PPP1R13B: variants seen among roughly 807,000 people sequenced by gnomAD.
PPP1R13B encodes apoptosis-stimulating of p53 protein 1.
PPP1R13B carries 44 observed loss-of-function variants against 119.8 expected under a neutral mutation model. That is an observed-to-expected ratio of 0.37 (90% CI 0.29 to 0.47). The LOEUF (loss-of-function observed/expected upper bound fraction) is 0.47. PPP1R13B is among the 20% of genes least tolerant of loss of function. The probability of loss-of-function intolerance (pLI) is 0.99; values close to 1 mark genes in which losing one functional copy is unlikely to be tolerated. For synonymous variants in PPP1R13B, 542 were observed against 561.5 expected, an observed-to-expected ratio of 0.97 and a Z score of 0.49; for missense variants, 1,227 against 1,413.5, an observed-to-expected ratio of 0.87 and a Z score of 2.12.
intron 2 of PPP1R13B, among the ~76,000 whole-genome samples, chr14:103,788,184 T>C (rs1200287221): frequency 6.6e-6 from 1 of 152,128 alleles, no homozygotes; most frequent in Non-Finnish European, 1.5e-5. Context: ...GTTAACAGAT[T>C]TCAGCCAATT....
chr14:103,794,545 C>A, intron 2 of PPP1R13B: 1 of 363,106 alleles, frequency 2.8e-6, no homozygotes, highest in Non-Finnish European at 5.4e-6. Flanking sequence ...CCAGGCTGGT[C>A]TCAAACTCCT....
Position 103,742,908 on chromosome 14 carries a change from C to A in PPP1R13B, c.1151-85G>T. On this transcript the variant is annotated intron_variant, in intron 9 of 16. Coordinates refer to ENST00000202556, the MANE Select transcript of PPP1R13B (RefSeq NM_015316.3). This position sits in a 1 kb window ranked among gnomAD's most constrained non-coding sequence, Gnocchi z 4.9. ...AATAACACTCTGCCAGAAACAAAAA[C>A]AGCACTGGGACATCCCATTCTGATG... 6.8e-7 allele frequency: 1 copy of A among 1,467,312 alleles called. No individual in the cohort carries two copies. The highest frequency in any genetic ancestry group is 1.2e-5 in the South Asian group (1 of 80,586). The allele number at this position is 1,467,312 out of a possible 1,614,324, so 90.9% of individuals were successfully genotyped here.
chr14:103,800,539 A>G (rs1275494708), intron 1 of PPP1R13B, among the ~76,000 whole-genome samples: 1 of 151,878 alleles, frequency 6.6e-6, no homozygotes, highest in Non-Finnish European at 1.5e-5. Context: ...CTCTAGTCCC[A>G]GCTACTCAGG....
At chr14:103,818,524 A>G (rs907584953) in intron 1 of PPP1R13B, 3 of 980,800 alleles carry the variant, frequency 3.1e-6, no homozygotes, top group Non-Finnish European at 3.6e-6. Flanking sequence ...CTTGGCAGCT[A>G]CTAGACAAAT....
chr14:103,844,805 A>G (rs919032523), intron 1 of PPP1R13B, among the ~76,000 whole-genome samples: 4 of 152,292 alleles, frequency 2.6e-5, no homozygotes, highest in Middle Eastern at 3.4e-3. Context: ...ATATACTCTA[A>G]GCCTATGTTG....
chr14:103,752,059 A>G (rs2086914107), intron 7 of PPP1R13B, among the ~76,000 whole-genome samples: 1 of 152,210 alleles, frequency 6.6e-6, no homozygotes, highest in African/African-American at 2.4e-5. Flanking sequence ...ATATCCTTTA[A>G]CCAAAATGCT....
At chr14:103,735,479 T>C (rs561932847) in intron 16 of PPP1R13B, among the ~76,000 whole-genome samples, 10 of 152,250 alleles carry the variant, frequency 6.6e-5, no homozygotes, top group African/African-American at 2.4e-4. Context: ...TGGGCAAGGG[T>C]CTCTGCCTGG....
chr14:103,777,605 T>C (rs892118846), intron 4 of PPP1R13B, among the ~76,000 whole-genome samples: 1 of 152,004 alleles, frequency 6.6e-6, no homozygotes, highest in Non-Finnish European at 1.5e-5. Context: ...GAAGGGCAGG[T>C]GGAGGGCTGC....
At chr14:103,765,251 T>C (rs969695204) in intron 4 of PPP1R13B, among the ~76,000 whole-genome samples, 1 of 152,208 alleles carries the variant, frequency 6.6e-6, no homozygotes, top group African/African-American at 2.4e-5. Flanking sequence ...TTCAGATTAT[T>C]TGAAATAAAC....
At chr14:103,846,123 C>T (rs1333775157) in intron 1 of PPP1R13B, among the ~76,000 whole-genome samples, 1 of 152,150 alleles carries the variant, frequency 6.6e-6, no homozygotes, top group African/African-American at 2.4e-5. Context: ...CATTACAAGA[C>T]AATTATTCAT....
chr14:103,778,839 C>T lies in PPP1R13B; in HGVS notation c.278-18G>A, dbSNP rs933169995. The stretch of plus-strand genomic sequence containing the variant: ...ACGGCCACCTAAAGAAATAAAAGAA[C>T]CAAACTCACCAAAAGGCGTATTAGA... On this transcript the variant is annotated intron_variant, in intron 3 of 16. Coordinates refer to ENST00000202556, the MANE Select transcript of PPP1R13B (RefSeq NM_015316.3). 20 of 1,591,950 alleles carry T rather than the reference C, an allele frequency of 1.3e-5. No homozygotes were observed. Among genetic ancestry groups the T allele is most frequent in the Non-Finnish European group, 1.7e-5 (20 of 1,160,734 alleles).
chr14:103,835,462 G>C (rs2086753789), intron 1 of PPP1R13B, among the ~76,000 whole-genome samples: 1 of 144,092 alleles, frequency 6.9e-6, no homozygotes, highest in Admixed American at 7.0e-5. Flanking sequence ...ACCAGGTCTT[G>C]CTCTGTTGCC....
At position 103,846,972 on chromosome 14, in the gene PPP1R13B, C is replaced by G; in HGVS notation, c.9+327G>C. 2.5e-6 allele frequency: 3 copies of G among 1,193,428 alleles called. No homozygotes were observed. The South Asian group carries it at 4.6e-5, about 18-fold the overall frequency. 73.9% of individuals were successfully genotyped at this position (1,193,428 alleles called of 1,614,324 possible). A position where few individuals can be genotyped will look rare whatever the true frequency, so the allele number is the denominator to read the frequency against. ...TTTCAGGCGGGTCACAGCTGCGCCA[C>G]CCACCAGACCTGTGCCCCAGCGTCC... On this transcript the variant is annotated intron_variant, in intron 1 of 16. Coordinates refer to ENST00000202556, the MANE Select transcript of PPP1R13B (RefSeq NM_015316.3).
In PPP1R13B at chr14:103,837,391, TTC is replaced by T. The variant is rs976409353; in HGVS notation, c.9+9906_9+9907del. ...CACACAGCCAAAATAAAACTCCTTATTCTCACAACCCTTTAAACTTACTCCTT... is the reference window on the plus strand; with the variant it reads ...CACACAGCCAAAATAAAACTCCTTATTCACAACCCTTTAAACTTACTCCTT... On this transcript the variant is annotated intron_variant, in intron 1 of 16. Transcript: ENST00000202556. Among the ~76,000 whole-genome samples the T allele has an allele frequency of 1.5e-4, 23 of 152,322 alleles. No homozygotes were observed. In the Middle Eastern group the frequency reaches 0.017, roughly 113 times the overall value.
intron 7 of PPP1R13B, among the ~76,000 whole-genome samples, chr14:103,751,068 C>T (rs1301917541): frequency 2.0e-5 from 3 of 150,678 alleles, no homozygotes; most frequent in Non-Finnish European, 3.0e-5. Flanking sequence ...GCAGGAGAAT[C>T]GCTTGAACCC....
At chr14:103,741,372 G>A (rs541195145) in intron 11 of PPP1R13B, among the ~76,000 whole-genome samples, 23 of 152,284 alleles carry the variant, frequency 1.5e-4, no homozygotes, top group African/African-American at 4.8e-4. Flanking sequence ...CGCAGCAGAC[G>A]CCCTCCTTAA....
At chr14:103,809,847 GAC>G (rs1349959667) in intron 1 of PPP1R13B, among the ~76,000 whole-genome samples, 1 of 120,084 alleles carries the variant, frequency 8.3e-6, no homozygotes, top group East Asian at 2.6e-4. Context: ...TTATTTTTGA[GAC>G]AGAGTCTCGC....
At chr14:103,803,523 G>T (rs995694836) in intron 1 of PPP1R13B, among the ~76,000 whole-genome samples, 2 of 151,946 alleles carry the variant, frequency 1.3e-5, no homozygotes, top group African/African-American at 2.4e-5. Context: ...GGCACCTGTA[G>T]TCCCAGCTAC....
In PPP1R13B at chr14:103,752,987, A is replaced by G; in HGVS notation, c.828+13T>C. On this transcript the variant is annotated intron_variant, in intron 7 of 16. Coordinates refer to ENST00000202556, the MANE Select transcript of PPP1R13B (RefSeq NM_015316.3). Reference sequence around the variant, plus strand: ...AATGTTTTAATACAACCATTGCCAGACCCAGGAGTTACCTGTAGTTCTTGG... The same window carrying G: ...AATGTTTTAATACAACCATTGCCAGGCCCAGGAGTTACCTGTAGTTCTTGG... 1 of 1,611,954 alleles carries G rather than the reference A, an allele frequency of 6.2e-7. No homozygotes were observed. Among genetic ancestry groups the G allele is most frequent in the Non-Finnish European group, 8.5e-7 (1 of 1,178,514 alleles).
Sources: gnomAD v4.1 joint callset for allele counts (sites outside exome capture counted in the v4.1 genomes callset) on GRCh38, gnomAD v4.1.1 for gene constraint, Gnocchi (gnomAD v3.1) non-coding constraint, MANE v1.5 for transcripts, NCBI Gene and HGNC (gene_info 2026-07-23, HGNC 2026-07-21) for gene names.